The following MBTPS2 variants were observed in gnomAD, a reference collection of about 807,000 sequenced individuals.
MBTPS2 encodes the protein membrane-bound transcription factor site-2 protease.
MBTPS2 carries 2 observed loss-of-function variants against 35.4 expected under a neutral mutation model. That is an observed-to-expected ratio of 0.06 (90% CI 0.02 to 0.18). The LOEUF is 0.18. MBTPS2 is among the 10% of genes least tolerant of loss of function. The probability of loss-of-function intolerance (pLI) is 1.00; values close to 1 mark genes in which losing one functional copy is unlikely to be tolerated. For synonymous variants in MBTPS2, 125 were observed against 140.4 expected (o/e 0.89, Z 0.77); for missense variants, 244 against 386.5 (o/e 0.63, Z 3.09).
chrX:21,858,229 T>C (rs1340509492), intron 5 of MBTPS2: 1 of 124,274 alleles, frequency 8.0e-6, no homozygotes, highest in African/African-American at 3.2e-5. Context: ...AGTATTGATA[T>C]TAGGTGATTT....
At chrX:21,869,403 ATTCACTTAAT>A in intron 6 of MBTPS2, 85 bp from the exon 7 acceptor site, 1 of 645,896 alleles carries the variant, frequency 1.5e-6, no homozygotes, top group East Asian at 3.2e-5. Context: ...CATTCAAACT[ATTCACTTAAT>A]TAACTCAGTG....
intron 7 of MBTPS2, among the ~76,000 whole-genome samples, chrX:21,877,125 A>G (rs2092954012): frequency 8.9e-6 from 1 of 112,057 alleles, no homozygotes; most frequent in Non-Finnish European, 1.9e-5. Flanking sequence ...GCTCCCAAAT[A>G]AAGCAGTCTA....
chrX:21,874,616 C>T (rs752646517), intron 7 of MBTPS2, among the ~76,000 whole-genome samples: 37 of 111,623 alleles, frequency 3.3e-4, no homozygotes, highest in African/African-American at 1.1e-3. Context: ...TGACTATCTT[C>T]GGGCTCATCT....
Position 21,843,337 on chromosome X carries a change from T to G in MBTPS2, c.224+19T>G, listed in dbSNP as rs1279132557. 1.0e-5 allele frequency: 12 copies of G among 1,203,717 alleles called. No homozygotes were observed. In the Middle Eastern group the frequency reaches 9.2e-4, roughly 93 times the overall value. On this transcript the variant is annotated intron_variant, in intron 2 of 10. Coordinates refer to ENST00000379484, the MANE Select transcript of MBTPS2 (RefSeq NM_015884.4). Reference sequence around the variant, plus strand: ...ACCAATGGTATTCTTCATCTTCTTTTGTTTGGTTTAGGTTAATCATTAAGT... The same window carrying G: ...ACCAATGGTATTCTTCATCTTCTTTGGTTTGGTTTAGGTTAATCATTAAGT...
At position 21,882,695 on chromosome X, in the gene MBTPS2, A is replaced by G. The variant is rs753451448; in HGVS notation, c.*40A>G. 1 of 1,206,238 alleles carries G rather than the reference A, an allele frequency of 8.3e-7. No individual in the cohort carries two copies. Among genetic ancestry groups the G allele is most frequent in the African/African-American group, 1.7e-5 (1 of 57,278 alleles). ...TGACAGAATCCCTGAGTTACAGTATACAGCTATGTGGTAATATTCATTGCC... is the reference window on the plus strand; with the variant it reads ...TGACAGAATCCCTGAGTTACAGTATGCAGCTATGTGGTAATATTCATTGCC... On this transcript the variant is annotated 3_prime_UTR_variant, in exon 11 of 11. Coordinates refer to ENST00000379484, the MANE Select transcript of MBTPS2 (RefSeq NM_015884.4).
intron 3 of MBTPS2, among the ~76,000 whole-genome samples, chrX:21,848,957 G>A (rs1310403754): frequency 8.9e-6 from 1 of 112,197 alleles, no homozygotes. Flanking sequence ...GAATGAGGAA[G>A]ACATAGAGCG....
rs148531798 is a variant in MBTPS2 at position 21,879,576 on chromosome X, G to A, written c.1261+884G>A. ...ATTACAGGCAAGAGGCACTGTGCCC[G>A]GCCCAGTGATTTTTAATATATTGAG... On this transcript the variant is annotated intron_variant, in intron 9 of 10. Transcript: ENST00000379484. 9.6e-3 allele frequency among the ~76,000 whole-genome samples: 1,062 copies of A among 110,868 alleles called. 4 individuals carry two copies. The highest frequency in any genetic ancestry group is 0.051 in the Middle Eastern group (11 of 217).
intron 5 of MBTPS2, chrX:21,856,483 C>A: frequency 8.3e-7 from 1 of 1,203,808 alleles, no homozygotes; most frequent in Non-Finnish European, 1.1e-6. Context: ...TAACTCTCAG[C>A]CATGGCCTCC....
chrX:21,856,837 T>A, intron 5 of MBTPS2: 1 of 1,211,753 alleles, frequency 8.3e-7, no homozygotes. Context: ...CACTTCCAGA[T>A]GACCCTGGCC....
In MBTPS2 at chrX:21,884,806, C is replaced by T; in HGVS notation, c.*2151C>T. 2 of 675,762 alleles carry T rather than the reference C, an allele frequency of 3.0e-6. No homozygotes were observed. The highest frequency in any genetic ancestry group is 3.5e-6 in the Non-Finnish European group (2 of 568,041). The allele number at this position is 675,762 out of a possible 1,213,427, so 55.7% of individuals were successfully genotyped here. On this transcript the variant is annotated 3_prime_UTR_variant, in exon 11 of 11. Transcript: ENST00000379484. ...AGTGTTATTTATGGATTAGAAAAAGCATGTTTCTATTTAAGTAAGCTGTAA... is the reference window on the plus strand; with the variant it reads ...AGTGTTATTTATGGATTAGAAAAAGTATGTTTCTATTTAAGTAAGCTGTAA...
At chrX:21,866,080 C>G (rs2092939353) in intron 5 of MBTPS2, among the ~76,000 whole-genome samples, 1 of 111,454 alleles carries the variant, frequency 9.0e-6, no homozygotes. Flanking sequence ...GCTGGGATTA[C>G]AGGCATGAGC....
chrX:21,867,031 AG>A lies in MBTPS2; in HGVS notation c.671-1435del, dbSNP rs201410614. 1.4e-3 allele frequency among the ~76,000 whole-genome samples: 89 copies of A among 63,568 alleles called. 1 individual carries two copies. The highest frequency in any genetic ancestry group is 1.9e-3 in the Non-Finnish European group (69 of 36,044). The allele number at this position is 63,568 out of a possible 115,157, so 55.2% of individuals were successfully genotyped here. On this transcript the variant is annotated intron_variant, in intron 5 of 10. Coordinates refer to ENST00000379484, the MANE Select transcript of MBTPS2 (RefSeq NM_015884.4). Reference sequence around the variant, plus strand: ...GACTCTGTCTCAAAAAAAAAAAAAAAGAAAAAAAGAAAAAAAATCCTAATTT... The same window carrying A: ...GACTCTGTCTCAAAAAAAAAAAAAAAAAAAAAAGAAAAAAAATCCTAATTT...
At position 21,882,734 on chromosome X, in the gene MBTPS2, C is replaced by G. The variant is rs2092960780; in HGVS notation, c.*79C>G. On this transcript the variant is annotated 3_prime_UTR_variant, in exon 11 of 11. Coordinates refer to ENST00000379484, the MANE Select transcript of MBTPS2 (RefSeq NM_015884.4). ...ATATTCATTGCCATTGAAATTCTTA[C>G]TTGGTATGAAATATAAAGTGTTTCC... is the stretch of plus-strand genomic sequence containing the variant. The G allele has an allele frequency of 1.3e-5, 15 of 1,194,419 alleles. No homozygotes were observed. Among genetic ancestry groups the G allele is most frequent in the Non-Finnish European group, 1.5e-5 (13 of 885,013 alleles).
intron 5 of MBTPS2, chrX:21,858,080 A>G (rs2092926002): frequency 8.0e-6 from 1 of 125,097 alleles, no homozygotes; most frequent in African/African-American, 3.2e-5. Flanking sequence ...GGAAAGATTT[A>G]CTTTAAAAGA....
rs772384944 is a variant in MBTPS2 at position 21,840,410 on chromosome X, G to A, written c.75+601G>A. 3.6e-5 allele frequency among the ~76,000 whole-genome samples: 4 copies of A among 111,896 alleles called. No individual in the cohort carries two copies. The South Asian group carries it at 1.1e-3, about 32-fold the overall frequency. On this transcript the variant is annotated intron_variant, in intron 1 of 10. Coordinates refer to ENST00000379484, the MANE Select transcript of MBTPS2 (RefSeq NM_015884.4). The stretch of plus-strand genomic sequence containing the variant: ...TACTTCAAAGTAGCACACTCAAATA[G>A]CAAGGATTTACATAACCAGTTTCTA...
intron 7 of MBTPS2, chrX:21,872,972 A>G (rs1158384703): frequency 9.0e-6 from 1 of 110,979 alleles, no homozygotes; most frequent in African/African-American, 3.3e-5. Context: ...ACTATTACAG[A>G]GTGTCCAATG....
At chrX:21,860,929 G>C (rs1277370472) in intron 5 of MBTPS2, among the ~76,000 whole-genome samples, 1 of 111,898 alleles carries the variant, frequency 8.9e-6, no homozygotes, top group Non-Finnish European at 1.9e-5. Flanking sequence ...TTAGTACAAG[G>C]AACTATTTGA....
chrX:21,843,651 G>T (rs2092905228), intron 2 of MBTPS2, among the ~76,000 whole-genome samples: 1 of 111,238 alleles, frequency 9.0e-6, no homozygotes, highest in Non-Finnish European at 1.9e-5. Context: ...AGCCCCAAAT[G>T]GATTAGAGCT....
In MBTPS2 at chrX:21,841,132, G is replaced by A. The variant is rs916674168; in HGVS notation, c.75+1323G>A. ...CACCTGTTTGTGTTTGAAAAGCACTGATGTGGCCGGTCACAGTGGCTCACA... is the reference window on the plus strand; with the variant it reads ...CACCTGTTTGTGTTTGAAAAGCACTAATGTGGCCGGTCACAGTGGCTCACA... On this transcript the variant is annotated intron_variant, in intron 1 of 10. Transcript: ENST00000379484. Among the ~76,000 whole-genome samples the A allele has an allele frequency of 2.7e-5, 3 of 111,943 alleles. No individual in the cohort carries two copies. In the Admixed American group the frequency reaches 2.8e-4, roughly 11 times the overall value.
Sources: allele counts gnomAD v4.1 joint callset (sites outside exome capture counted in the v4.1 genomes callset), GRCh38; gene constraint gnomAD v4.1.1; transcripts MANE v1.5; gene names NCBI Gene and HGNC (gene_info 2026-07-23, HGNC 2026-07-21).